Variants in TTN observed in about 807,000 individuals in gnomAD.
TTN encodes the protein connectin.
A neutral mutation model predicts 3,223.0 loss-of-function variants in TTN; 1,525 were observed. The observed-to-expected ratio is 0.47, with a 90% CI of 0.45 to 0.49. TTN has a LOEUF of 0.49. TTN is among the 20% of genes least tolerant of loss of function. The pLI is 0.00. For synonymous variants in TTN, 14,094 were observed against 15,161.0 expected, an observed-to-expected ratio of 0.93 and a Z score of 5.17; for missense variants, 40,786 against 43,424.0, an observed-to-expected ratio of 0.94 and a Z score of 5.40.
chr2:178,712,276 G>A (rs1478130620), intron 95 of TTN, 39 bp downstream of exon 95: 6 of 1,608,046 alleles, frequency 3.7e-6, no homozygotes, highest in African/African-American at 1.3e-5. Context: ...CCAGATCATC[G>A]ATTGTATACA....
At position 178,562,890 on chromosome 2, in the gene TTN, A is replaced by C; in HGVS notation, c.83242T>G (p.Leu27748Val). ...RFDSGRYNLT[L>V]ENNSGSKTAF... The stretch of plus-strand genomic sequence containing the variant: ...GTTTTGGAGCCACTATTATTTTCTA[A>C]TGTCAGATTATACCGACCACTGTCA... Residue 27748 changes from leucine to valine, a missense_variant, in exon 326 of 363, where the codon TTA becomes GTA. By Grantham distance (32) the Leu-to-Val change is conservative. Transcript: ENST00000589042. 6.2e-7 allele frequency: 1 copy of C among 1,613,378 alleles called. No individual in the cohort carries two copies. Among genetic ancestry groups the C allele is most frequent in the Admixed American group, 1.7e-5 (1 of 59,948 alleles).
intron 33 of TTN, 49 bp from the exon 34 acceptor site, chr2:178,771,520 A>C (rs2091484996): frequency 1.2e-6 from 2 of 1,609,712 alleles, no homozygotes; most frequent in African/African-American, 2.7e-5. Flanking sequence ...ATATTCACAC[A>C]ATGGGAAAAT....
At chr2:178,760,381 T>G (rs1263300021) in intron 43 of TTN, among the ~76,000 whole-genome samples, 1 of 151,994 alleles carries the variant, frequency 6.6e-6, no homozygotes, top group Non-Finnish European at 1.5e-5. Context: ...AATACAAAAA[T>G]TAGCCAGGTG....
chr2:178,651,381 A>T (rs762963647), intron 207 of TTN, 61 bp from the exon 208 acceptor site: 10 of 1,605,904 alleles, frequency 6.2e-6, no homozygotes, highest in Non-Finnish European at 8.5e-6. Context: ...CATCACATTT[A>T]CACAGAACAA....
Position 178,776,475 on chromosome 2 carries a change from C to T in TTN, c.5389G>A (p.Glu1797Lys). 2 of 1,607,998 alleles carry T rather than the reference C, an allele frequency of 1.2e-6. No individual in the cohort carries two copies. Among genetic ancestry groups the T allele is most frequent in the Non-Finnish European group, 1.7e-6 (2 of 1,179,978 alleles). ...HTSATLIVKDEKSLVEESQLP... is the reference protein window; with the variant it reads ...HTSATLIVKDKKSLVEESQLP... ...TGGGATTCTTCCACAAGACTTTTCT[C>T]ATCTTTAACAATAAGGGTAGCAGAT... Residue 1797 changes from glutamate (E) to lysine (K), a missense_variant, in exon 28 of 363, where the codon GAG becomes AAG. Transcript: ENST00000589042.
chr2:178,616,148 T>C (rs2057295300), intron 257 of TTN, among the ~76,000 whole-genome samples: 1 of 151,904 alleles, frequency 6.6e-6, no homozygotes, highest in Admixed American at 6.6e-5. Context: ...GAATAAGAAG[T>C]GTGACCACCA....
At position 178,720,369 on chromosome 2, in the gene TTN, G is replaced by T; in HGVS notation, c.23377+16C>A. 6.3e-7 allele frequency: 1 copy of T among 1,599,846 alleles called. No individual in the cohort carries two copies. Among genetic ancestry groups the T allele is most frequent in the Non-Finnish European group, 8.5e-7 (1 of 1,172,086 alleles). On this transcript the variant is annotated intron_variant, in intron 80 of 362. Coordinates refer to ENST00000589042, the MANE Select transcript of TTN (RefSeq NM_001267550.2). ...AGGAGGAAGGGGCATATATTTTTGTGTCCATGTATACAAACCTTTGAACTT... is the reference window on the plus strand; with the variant it reads ...AGGAGGAAGGGGCATATATTTTTGTTTCCATGTATACAAACCTTTGAACTT...
Position 178,576,087 on chromosome 2 carries a change from C to T in TTN, c.70045G>A (p.Glu23349Lys), listed in dbSNP as rs397517682. Residue 23349 changes from glutamate (E) to lysine (K), a missense_variant, in exon 326 of 363, where the codon GAG becomes AAG. Glu to Lys is a moderately conservative substitution (Grantham distance 56). Transcript: ENST00000589042. The surrounding 1 kb of genome is among the most constrained non-coding windows in gnomAD (Gnocchi z 4.3). ...EMAPDFELDA[E>K]LRRTLVVRAG... ...CTAACAACAAGTGTTCTTCGAAGCT[C>T]GGCATCTAGTTCAAAATCAGGAGCC... is the stretch of plus-strand genomic sequence containing the variant. 8 of 1,613,296 alleles carry T rather than the reference C, an allele frequency of 5.0e-6. No individual in the cohort carries two copies. Among genetic ancestry groups the T allele is most frequent in the South Asian group, 4.4e-5 (4 of 91,056 alleles).
In TTN at chr2:178,715,157, AC is replaced by A. The variant is rs758533436; in HGVS notation, c.26028del (p.Trp8676CysfsTer16). 6.2e-6 allele frequency: 10 copies of A among 1,613,632 alleles called. No homozygotes were observed. The highest frequency in any genetic ancestry group is 8.5e-6 in the Non-Finnish European group (10 of 1,179,716). Reference protein sequence around the residue: ...LQGTPPFHVSWYKDKRELRSG... With the variant: ...LQGTPPFHVSXYKDKRELRSG... ...CTCCTAAGTTCTCTCTTGTCTTTATACCAAGAAACGTGAAATGGGGGAGTGC... is the reference window on the plus strand; with the variant it reads ...CTCCTAAGTTCTCTCTTGTCTTTATACAAGAAACGTGAAATGGGGGAGTGC... On this transcript the variant is annotated frameshift_variant, in exon 90 of 363. Coordinates refer to ENST00000589042, the MANE Select transcript of TTN (RefSeq NM_001267550.2). LOFTEE classifies it high-confidence loss of function.
chr2:178,549,182 C>T lies in TTN; in HGVS notation c.92444G>A (p.Cys30815Tyr), dbSNP rs1185347998. ...ACCTGGTGGGTTGACGGGCTCTCTA[C>T]ATTTAATGAGTCTTGAGATGCCACT... is the stretch of plus-strand genomic sequence containing the variant. ...PASGISRLIKCREPVNPPGPP... is the reference protein window; with the variant it reads ...PASGISRLIKYREPVNPPGPP... The change falls in exon 339 of 363, where the codon TGT becomes TAT. Residue 30815 changes from cysteine to tyrosine, a missense_variant. Coordinates refer to ENST00000589042, the MANE Select transcript of TTN (RefSeq NM_001267550.2). 2.5e-6 allele frequency: 4 copies of T among 1,613,818 alleles called. No homozygotes were observed. The highest frequency in any genetic ancestry group is 3.3e-5 in the Admixed American group (2 of 59,992).
rs1178993608 is a variant in TTN at position 178,611,185 on chromosome 2, G to A, written c.50944C>T (p.Pro16982Ser). 3 of 1,612,494 alleles carry A rather than the reference G, an allele frequency of 1.9e-6. No homozygotes were observed. The highest frequency in any genetic ancestry group is 1.7e-6 in the Non-Finnish European group (2 of 1,179,258). Residue 16982 changes from proline (P) to serine (S), a missense_variant, in exon 270 of 363, where the codon CCA becomes TCA. Coordinates refer to ENST00000589042, the MANE Select transcript of TTN (RefSeq NM_001267550.2). Reference protein sequence around the residue: ...LSIPVPFRAVPVPTVSWHKDG... With the variant: ...LSIPVPFRAVSVPTVSWHKDG... ...TTATGCCAACTAACAGTTGGAACTGGGACAGCTCTGAAGGGAACAGGAATG... is the reference window on the plus strand; with the variant it reads ...TTATGCCAACTAACAGTTGGAACTGAGACAGCTCTGAAGGGAACAGGAATG...
rs1170381961 is a variant in TTN, at chr2:178,550,111, G to T, written c.91727C>A (p.Thr30576Asn). ...TAGGCTGGTGGATCCAAGTACGTCG[G>T]TTATTTCCATATTCATCCTCTTTTC... ...EIEKRMNMEI[T>N]DVLGSTSLFV... Residue 30576 changes from threonine to asparagine, a missense_variant, in exon 337 of 363, where the codon ACC becomes AAC. Coordinates refer to ENST00000589042, the MANE Select transcript of TTN (RefSeq NM_001267550.2). 1 of 1,613,640 alleles carries T rather than the reference G, an allele frequency of 6.2e-7. No individual in the cohort carries two copies. Among genetic ancestry groups the T allele is most frequent in the African/African-American group, 1.3e-5 (1 of 74,874 alleles).
At chr2:178,649,682 T>C in intron 211 of TTN, 51 bp from the exon 212 acceptor site, 9 of 1,543,634 alleles carry the variant, frequency 5.8e-6, no homozygotes, top group Non-Finnish European at 7.9e-6. Context: ...AGATGTAAGA[T>C]ATACATACAA....
In TTN at chr2:178,581,691, C is replaced by CG. The variant is rs2154177519; in HGVS notation, c.66576dup (p.Val22193ArgfsTer2). On this transcript the variant is annotated frameshift_variant, in exon 316 of 363. Transcript: ENST00000589042. LOFTEE classifies it high-confidence loss of function. ...TCGGAGTCAGCCCGTTTTACTTCAACGAGATAACCAATGATAGGGCTGCCG... is the reference window on the plus strand; with the variant it reads ...TCGGAGTCAGCCCGTTTTACTTCAACGGAGATAACCAATGATAGGGCTGCCG... 1 of 1,612,270 alleles carries CG rather than the reference C, an allele frequency of 6.2e-7. No individual in the cohort carries two copies. The highest frequency in any genetic ancestry group is 1.3e-5 in the African/African-American group (1 of 74,950).
At chr2:178,750,334 A>G (rs1270416227) in intron 47 of TTN, 1 of 1,613,226 alleles carries the variant, frequency 6.2e-7, no homozygotes, top group Admixed American at 1.7e-5. Flanking sequence ...TTACTGTTCC[A>G]TATTGGTTAA....
At position 178,568,068 on chromosome 2, in the gene TTN, C is replaced by G. The variant is rs374764110; in HGVS notation, c.78064G>C (p.Val26022Leu). 2 of 1,613,328 alleles carry G rather than the reference C, an allele frequency of 1.2e-6. No individual in the cohort carries two copies. The highest frequency in any genetic ancestry group is 3.3e-4 in the Middle Eastern group (2 of 6,052). ...TTTCTCTCCAGGTGGTAACCTATGA[C>G]GGGGCTTCCACCATTGTTGACTGGT... is the stretch of plus-strand genomic sequence containing the variant. ...HEPVNNGGSP[V>L]IGYHLERKER... is the part of the protein sequence containing the mutation. Residue 26022 changes from valine to leucine, a missense_variant, in exon 326 of 363, where the codon GTC becomes CTC. Coordinates refer to ENST00000589042, the MANE Select transcript of TTN (RefSeq NM_001267550.2).
At chr2:178,705,571 A>G (rs955420099) in intron 102 of TTN, among the ~76,000 whole-genome samples, 4 of 152,144 alleles carry the variant, frequency 2.6e-5, no homozygotes, top group Non-Finnish European at 5.9e-5. Context: ...ATTGTAATAA[A>G]ATATAGATGT....
chr2:178,725,892 T>C lies in TTN; in HGVS notation c.20430A>G (p.Ala6810=). The stretch of plus-strand genomic sequence containing the variant: ...GAATACTTGTGTGGAAGTTTTTGGA[T>C]GCAATCTTGTATTTCTTGCTGCTTC... ...QLRSSKKYKI[A]SKNFHTSIHI... is the part of the protein sequence containing the mutation. The change falls in exon 70 of 363, where the codon GCA becomes GCG. Residue 6810 remains alanine (A), a synonymous_variant. Coordinates refer to ENST00000589042, the MANE Select transcript of TTN (RefSeq NM_001267550.2). 6.2e-7 allele frequency: 1 copy of C among 1,613,214 alleles called. No homozygotes were observed. Among genetic ancestry groups the C allele is most frequent in the Admixed American group, 1.7e-5 (1 of 59,928 alleles).
chr2:178,667,294 A>G lies in TTN; in HGVS notation c.35739T>C (p.Phe11913=), dbSNP rs2066131168. The G allele has an allele frequency of 1.9e-6, 3 of 1,604,336 alleles. No individual in the cohort carries two copies. In the South Asian group the frequency reaches 3.4e-5, roughly 18 times the overall value. Reference sequence around the variant, plus strand: ...TAGCCTCAGGTGGCTCCACCTCTGGAAAAATGCCTCTGGTTGTATCAGGTT... The same window carrying G: ...TAGCCTCAGGTGGCTCCACCTCTGGGAAAATGCCTCTGGTTGTATCAGGTT... The part of the protein sequence containing the change: ...TKEPDTTRGI[F]PEVEPPEAIP... Residue 11913 remains phenylalanine (F), a synonymous_variant, in exon 162 of 363, where the codon TTT becomes TTC. Coordinates refer to ENST00000589042, the MANE Select transcript of TTN (RefSeq NM_001267550.2).
Sources: allele counts gnomAD v4.1 joint callset (sites outside exome capture counted in the v4.1 genomes callset), GRCh38; gene constraint gnomAD v4.1.1; non-coding constraint Gnocchi (gnomAD v3.1); transcripts MANE v1.5; gene names NCBI Gene and HGNC (gene_info 2026-07-23, HGNC 2026-07-21).